The following RAPGEF5 variants were observed in gnomAD, a reference collection of about 807,000 sequenced individuals.
RAPGEF5 encodes the protein M-Ras-regulated GEF.
Under a neutral mutation model 125.2 loss-of-function variants are expected in RAPGEF5, and 65 were observed. The ratio of observed to expected loss-of-function variants is 0.52; its 90% confidence interval spans 0.43 to 0.64. The LOEUF (loss-of-function observed/expected upper bound fraction) is 0.64. Ranked by LOEUF, RAPGEF5 falls within the 30% of genes least tolerant of loss-of-function variation. The probability of loss-of-function intolerance (pLI) is 0.00; values close to 1 mark genes in which losing one functional copy is unlikely to be tolerated. For synonymous variants in RAPGEF5, 391 were observed against 385.9 expected, an observed-to-expected ratio of 1.01 and a Z score of -0.16; for missense variants, 958 against 1,048.1, an observed-to-expected ratio of 0.91 and a Z score of 1.19.
chr7:22,345,895 A>G (rs990828664), intron 1 of RAPGEF5, among the ~76,000 whole-genome samples: 1 of 152,140 alleles, frequency 6.6e-6, no homozygotes, highest in East Asian at 1.9e-4. Flanking sequence ...AATCTTCTAG[A>G]AACAGATTTA....
rs545896234 is a variant in RAPGEF5 at position 22,330,244 on chromosome 7, G to C, written c.232-12207C>G. Among the ~76,000 whole-genome samples, 3 of 152,348 alleles carry C rather than the reference G, an allele frequency of 2.0e-5. No homozygotes were observed. In the South Asian group the frequency reaches 6.2e-4, roughly 32 times the overall value. ...AAAGTGAGTTAAACCTCTAGGTAAA[G>C]AGCTGAGAAAGCAGGACAAGGCTGG... is the stretch of plus-strand genomic sequence containing the variant. On this transcript the variant is annotated intron_variant, in intron 1 of 25. Coordinates refer to ENST00000665637, the MANE Select transcript of RAPGEF5 (RefSeq NM_012294.5).
At chr7:22,340,010 TA>T (rs989662230) in intron 1 of RAPGEF5, among the ~76,000 whole-genome samples, 1 of 151,990 alleles carries the variant, frequency 6.6e-6, no homozygotes, top group African/African-American at 2.4e-5. Context: ...TTAAATATTC[TA>T]AAAAAAATTA....
intron 7 of RAPGEF5, among the ~76,000 whole-genome samples, chr7:22,235,990 T>C (rs944687078): frequency 1.3e-5 from 2 of 152,180 alleles, no homozygotes; most frequent in Non-Finnish European, 2.9e-5. Flanking sequence ...GGGTCAGTGT[T>C]CACCATAAAG....
intron 21 of RAPGEF5, chr7:22,139,781 G>A (rs1783198963): frequency 7.7e-6 from 3 of 390,306 alleles, no homozygotes; most frequent in East Asian, 4.5e-5. Context: ...AGCCTGGAAC[G>A]AGCACTGCAC....
chr7:22,338,369 T>C (rs1424060292), intron 1 of RAPGEF5, among the ~76,000 whole-genome samples: 5 of 152,240 alleles, frequency 3.3e-5, no homozygotes, highest in Non-Finnish European at 7.3e-5. Flanking sequence ...GTAGATTCTA[T>C]ATCTTTGCAC....
chr7:22,191,639 A>G (rs896328206), intron 11 of RAPGEF5: 2 of 470,970 alleles, frequency 4.2e-6, no homozygotes, highest in African/African-American at 4.0e-5. Flanking sequence ...AGGGGTTGGT[A>G]TAACTGAGAA....
intron 1 of RAPGEF5, among the ~76,000 whole-genome samples, chr7:22,355,266 C>T (rs747988723): frequency 2.0e-4 from 31 of 152,286 alleles, no homozygotes; most frequent in Non-Finnish European, 4.0e-4. Context: ...ACAAGGTATA[C>T]GACACCCTCC....
At position 22,249,333 on chromosome 7, in the gene RAPGEF5, T is replaced by C. The variant is rs533455905; in HGVS notation, c.796+17631A>G. 4.6e-5 allele frequency among the ~76,000 whole-genome samples: 7 copies of C among 152,178 alleles called. 1 individual carries two copies. The East Asian group carries it at 1.4e-3, about 30-fold the overall frequency. ...TCAGCCTCCTGAGTAGCTACAGGCA[T>C]GCACCATCATGCTTGGCTAATTTTT... On this transcript the variant is annotated intron_variant, in intron 7 of 25. Coordinates refer to ENST00000665637, the MANE Select transcript of RAPGEF5 (RefSeq NM_012294.5).
rs1784426327 is a variant in RAPGEF5, at chr7:22,356,670, A to G, written c.231+160T>C. The G allele has an allele frequency of 1.4e-5, 4 of 285,400 alleles. No homozygotes were observed. The Admixed American group carries it at 2.3e-4, about 17-fold the overall frequency. The allele number at this position is 285,400 out of a possible 1,614,324, so 17.7% of individuals were successfully genotyped here. A position where few individuals can be genotyped will look rare whatever the true frequency, so the allele number is the denominator to read the frequency against. ...CGTCGCTCAGGGGGTGGCACCTCAA[A>G]ACCCGCCGTCCCGGGCCCCTCTTCA... On this transcript the variant is annotated intron_variant, in intron 1 of 25. Coordinates refer to ENST00000665637, the MANE Select transcript of RAPGEF5 (RefSeq NM_012294.5).
chr7:22,234,572 A>T (rs1311128797), intron 7 of RAPGEF5, among the ~76,000 whole-genome samples: 2 of 152,220 alleles, frequency 1.3e-5, no homozygotes, highest in Admixed American at 1.3e-4. Context: ...GATCTAAAGC[A>T]TATGCTTTGA....
intron 2 of RAPGEF5, among the ~76,000 whole-genome samples, chr7:22,316,487 ATATTT>A (rs1372842067): frequency 2.6e-4 from 9 of 34,128 alleles, no homozygotes; most frequent in African/African-American, 1.1e-3. Context: ...ATATATATAT[ATATTT>A]TTTTTTTTTT....
intron 9 of RAPGEF5, among the ~76,000 whole-genome samples, chr7:22,209,651 T>C (rs1785467008): frequency 6.6e-6 from 1 of 152,196 alleles, no homozygotes; most frequent in Non-Finnish European, 1.5e-5. Flanking sequence ...AAATTGTTTG[T>C]GCCCACTTTC....
intron 6 of RAPGEF5, among the ~76,000 whole-genome samples, chr7:22,271,591 A>G (rs1010848269): frequency 1.3e-5 from 2 of 152,268 alleles, no homozygotes; most frequent in African/African-American, 4.8e-5. Flanking sequence ...TACTCAATAT[A>G]AAACAACTAT....
chr7:22,124,094 A>G (rs1188815748), intron 25 of RAPGEF5, among the ~76,000 whole-genome samples: 1 of 152,344 alleles, frequency 6.6e-6, no homozygotes, highest in South Asian at 2.1e-4. Context: ...GCTCAGTGCC[A>G]CACAGAGGGT....
intron 5 of RAPGEF5, among the ~76,000 whole-genome samples, chr7:22,296,855 C>A (rs546452346): frequency 1.1e-4 from 17 of 152,198 alleles, no homozygotes; most frequent in Non-Finnish European, 1.8e-4. Context: ...ATCCCAGGGG[C>A]CAAGTGGAAA....
chr7:22,136,243 A>G (rs1406302176), intron 22 of RAPGEF5, 118 bp from the exon 23 acceptor site: 3 of 664,300 alleles, frequency 4.5e-6, no homozygotes, highest in Non-Finnish European at 7.3e-6. Context: ...ATTCCTCCTA[A>G]GAACAAAGTA....
At chr7:22,206,486 G>C (rs1785399411) in intron 9 of RAPGEF5, among the ~76,000 whole-genome samples, 1 of 152,106 alleles carries the variant, frequency 6.6e-6, no homozygotes. Flanking sequence ...AGGATTTCCA[G>C]AGCTAAGGAG....
chr7:22,229,116 A>G (rs1785995037), intron 8 of RAPGEF5, among the ~76,000 whole-genome samples: 1 of 152,156 alleles, frequency 6.6e-6, no homozygotes, highest in Non-Finnish European at 1.5e-5. Flanking sequence ...AACATCCCTT[A>G]AGGAAGAAGG....
At chr7:22,290,007 T>C (rs1366626303) in intron 6 of RAPGEF5, among the ~76,000 whole-genome samples, 3 of 152,192 alleles carry the variant, frequency 2.0e-5, no homozygotes, top group Non-Finnish European at 2.9e-5. Context: ...CCTCTTTCCT[T>C]TATAAATTAC....
Sources: gnomAD v4.1 joint callset for allele counts (sites outside exome capture counted in the v4.1 genomes callset) on GRCh38, gnomAD v4.1.1 for gene constraint, MANE v1.5 for transcripts, NCBI Gene and HGNC (gene_info 2026-07-23, HGNC 2026-07-21) for gene names.